Variants in COL10A1 observed in about 807,000 individuals in gnomAD.
The protein encoded by COL10A1 is collagen type X alpha 1 chain, also known as collagen alpha-1(X) chain.
COL10A1 carries 10 observed loss-of-function variants against 18.2 expected under a neutral mutation model. The ratio of observed to expected loss-of-function variants is 0.55; its 90% confidence interval spans 0.34 to 0.93. COL10A1 has a LOEUF of 0.93. COL10A1 is among the 40% of genes least tolerant of loss of function. COL10A1 has a pLI of 0.02. For missense variants in COL10A1, 897 were observed against 853.5 expected (o/e 1.05, Z -0.64); for synonymous variants, 330 against 316.6 (o/e 1.04, Z -0.45).
chr6:116,153,481 A>G (rs1040283148), intron 1 of COL10A1, among the ~76,000 whole-genome samples: 2 of 152,170 alleles, frequency 1.3e-5, no homozygotes, highest in Non-Finnish European at 2.9e-5. Flanking sequence ...AGAAGATAAT[A>G]TGCCATTTAT....
chr6:116,152,499 G>T (rs1246419874), intron 1 of COL10A1, among the ~76,000 whole-genome samples: 2 of 152,114 alleles, frequency 1.3e-5, no homozygotes, highest in Non-Finnish European at 2.9e-5. Flanking sequence ...CCGTGCCAGA[G>T]AATGAGGCAC....
At chr6:116,163,290 A>G (rs182436466), upstream of COL10A1, among the ~76,000 whole-genome samples, 275 of 150,374 alleles carry the variant, frequency 1.8e-3, 1 homozygote, top group African/African-American at 5.8e-3. Flanking sequence ...TACTGATTCA[A>G]TTTTATAATT....
rs73564690 is a variant in COL10A1 at position 116,131,270 on chromosome 6, A to G, written c.-15-5763T>C. 2.0e-3 allele frequency among the ~76,000 whole-genome samples: 310 copies of G among 152,318 alleles called. 1 individual carries two copies. The highest frequency in any genetic ancestry group is 7.0e-3 in the African/African-American group (293 of 41,576). On this transcript the variant is annotated intron_variant, in intron 1 of 1. Transcript: ENST00000418500. ...ATTGTATATTTCTGAAGTCAAATTT[A>G]TAAAACAAGGAATATTCAGAGAAGG...
At chr6:116,197,753 A>G in the COL10A1 span, among the ~76,000 whole-genome samples, 9 of 152,118 alleles carry the variant, frequency 5.9e-5, no homozygotes, top group African/African-American at 2.2e-4. Flanking sequence ...AGATTCAGTG[A>G]GATAATGTAT....
At chr6:116,179,447 A>C in the COL10A1 span, among the ~76,000 whole-genome samples, 4 of 152,114 alleles carry the variant, frequency 2.6e-5, no homozygotes, top group Non-Finnish European at 1.5e-5. Context: ...CAGCAGAAAA[A>C]AAACAATCCT....
At chr6:116,189,345 C>T in the COL10A1 span, among the ~76,000 whole-genome samples, 1 of 151,824 alleles carries the variant, frequency 6.6e-6, no homozygotes, top group South Asian at 2.1e-4. Flanking sequence ...CGATTTGAGA[C>T]TTACATATAG....
upstream of COL10A1, among the ~76,000 whole-genome samples, chr6:116,162,552 TTC>T (rs1351247575): frequency 6.6e-6 from 1 of 152,232 alleles, no homozygotes; most frequent in Non-Finnish European, 1.5e-5. Flanking sequence ...TTGTTTTTAA[TTC>T]TGTTTATGTG....
chr6:116,125,754 CAG>C (rs1395181794), intron 1 of COL10A1: 1 of 336,316 alleles, frequency 3.0e-6, no homozygotes, highest in South Asian at 3.1e-5. Context: ...GGAAAAGAAA[CAG>C]AAATTAGGAT....
chr6:116,166,062 C>T, the COL10A1 span, among the ~76,000 whole-genome samples: 1 of 152,100 alleles, frequency 6.6e-6, no homozygotes, highest in Admixed American at 6.5e-5. Flanking sequence ...TAGAAAGGCT[C>T]CCTGACAATT....
rs77787679 is a variant in COL10A1 at position 116,155,721 on chromosome 6, C to G, written c.-16+2893G>C. Among the ~76,000 whole-genome samples, 37 of 132,008 alleles carry G rather than the reference C, an allele frequency of 2.8e-4. 1 individual carries two copies. In the East Asian group the frequency reaches 6.1e-3, roughly 22 times the overall value. 86.6% of individuals were successfully genotyped at this position (132,008 alleles called of 152,430 possible). A position where few individuals can be genotyped will look rare whatever the true frequency, so the allele number is the denominator to read the frequency against. On this transcript the variant is annotated intron_variant, in intron 1 of 1. Transcript: ENST00000418500. Reference sequence around the variant, plus strand: ...GGCACTGGGTGAATAAACAACACTGCATCTACACAAAGAAATAATGTACTT... The same window carrying G: ...GGCACTGGGTGAATAAACAACACTGGATCTACACAAAGAAATAATGTACTT...
chr6:116,165,423 A>G, the COL10A1 span, among the ~76,000 whole-genome samples: 1 of 152,190 alleles, frequency 6.6e-6, no homozygotes, highest in African/African-American at 2.4e-5. Flanking sequence ...TTCTACCAAT[A>G]TGTTTTCCAA....
chr6:116,211,244 A>T, the COL10A1 span, among the ~76,000 whole-genome samples: 1 of 151,940 alleles, frequency 6.6e-6, no homozygotes, highest in Non-Finnish European at 1.5e-5. Context: ...GAGTGAAGAA[A>T]CCCTTAGATG....
At chr6:116,178,273 C>T in the COL10A1 span, among the ~76,000 whole-genome samples, 1 of 152,070 alleles carries the variant, frequency 6.6e-6, no homozygotes, top group South Asian at 2.1e-4. Context: ...TAACCAGGCC[C>T]GACCCTGCTT....
intron 2 of COL10A1, 64 bp from the exon 3 acceptor site, chr6:116,122,025 A>G: frequency 7.2e-7 from 1 of 1,381,054 alleles, no homozygotes; most frequent in South Asian, 1.2e-5. Flanking sequence ...AAAGAGAATC[A>G]TTGCCTTTCA....
the COL10A1 span, among the ~76,000 whole-genome samples, chr6:116,179,903 A>G: frequency 6.6e-6 from 1 of 152,148 alleles, no homozygotes; most frequent in Non-Finnish European, 1.5e-5. Context: ...TTTGTTAGCC[A>G]GTGATCCCTC....
chr6:116,193,890 GCAAAAAATA>G, the COL10A1 span, among the ~76,000 whole-genome samples: 3 of 151,806 alleles, frequency 2.0e-5, no homozygotes, highest in Non-Finnish European at 4.4e-5. Context: ...AGGCAGCATG[GCAAAAAATA>G]CAAAAAATAC....
chr6:116,143,262 G>C (rs1779810842), intron 1 of COL10A1, among the ~76,000 whole-genome samples: 2 of 152,198 alleles, frequency 1.3e-5, no homozygotes, highest in African/African-American at 4.8e-5. Flanking sequence ...CCAGACTGGA[G>C]TGCAGTGGCG....
At position 116,120,255 on chromosome 6, in the gene COL10A1, C is replaced by G; in HGVS notation, c.1861G>C (p.Val621Leu). Residue 621 changes from valine to leucine, a missense_variant, in exon 3 of 3, where the codon GTA (valine) becomes CTA (leucine). Val to Leu is a conservative substitution (Grantham distance 32). Coordinates refer to ENST00000651968, the MANE Select transcript of COL10A1 (RefSeq NM_000493.4). ...GTGTATTCATCATAGGTGTACATTACAGGGGTGCCATTCTTATACAGGCCT... is the reference window on the plus strand; with the variant it reads ...GTGTATTCATCATAGGTGTACATTAGAGGGGTGCCATTCTTATACAGGCCT... ...WVGLYKNGTPVMYTYDEYTKG... is the reference protein window; with the variant it reads ...WVGLYKNGTPLMYTYDEYTKG... 1 of 1,614,178 alleles carries G rather than the reference C, an allele frequency of 6.2e-7. No individual in the cohort carries two copies. Among genetic ancestry groups the G allele is most frequent in the Non-Finnish European group, 8.5e-7 (1 of 1,180,024 alleles).
rs539465169 is a variant in COL10A1 at position 116,134,265 on chromosome 6, C to CA, written c.-15-8759_-15-8758insT. ...TGTATACCAGTTGCCAGGTTGGGTT[C>CA]TAGGAATCTGGAGCAGGAGCTACTT... On this transcript the variant is annotated intron_variant, in intron 1 of 1. Transcript: ENST00000418500. 3.4e-3 allele frequency among the ~76,000 whole-genome samples: 521 copies of CA among 152,238 alleles called. 3 individuals are homozygous for CA. The highest frequency in any genetic ancestry group is 0.012 in the African/African-American group (484 of 41,554).
Sources: gnomAD v4.1 joint callset for allele counts (sites outside exome capture counted in the v4.1 genomes callset) on GRCh38, gnomAD v4.1.1 for gene constraint, MANE v1.5 for transcripts, NCBI Gene and HGNC (gene_info 2026-07-23, HGNC 2026-07-21) for gene names.